The following TMIGD3 variants were observed in gnomAD, a reference collection of about 807,000 sequenced individuals.
The protein encoded by TMIGD3 is transmembrane and immunoglobulin domain containing 3, also known as AD026 protein (AD026).
In TMIGD3, 21 loss-of-function variants were observed where a neutral mutation model predicts 28.1. The ratio of observed to expected loss-of-function variants is 0.75; its 90% CI spans 0.53 to 1.08. The LOEUF is 1.08. Ranked by LOEUF, TMIGD3 falls within the 50% of genes least tolerant of loss-of-function variation. TMIGD3 has a pLI of 0.00. For synonymous variants in TMIGD3, 151 were observed against 162.1 expected (o/e 0.93, Z 0.52); for missense variants, 416 against 435.6 (o/e 0.96, Z 0.40).
chr1:111,554,724 A>C (rs944441999), intron 1 of TMIGD3, among the ~76,000 whole-genome samples: 11 of 152,350 alleles, frequency 7.2e-5, no homozygotes, highest in African/African-American at 2.2e-4. Context: ...ACTTCAAATA[A>C]GGTTACAGCC....
Position 111,488,818 on chromosome 1 carries a change from T to C in TMIGD3, c.664A>G (p.Met222Val). ...GTGTCCTCTTTGGTCAGGCAGGACA[T>C]AGTGACAATGAGCTGGTTCCCTGTG... The part of the protein sequence containing the change: ...RDTGNQLIVT[M>V]SCLTKEDTGW... Residue 222 changes from methionine (M) to valine (V), a missense_variant, in exon 3 of 6, where the codon ATG becomes GTG. Coordinates refer to ENST00000369716, the MANE Select transcript of TMIGD3 (RefSeq NM_020683.7). The C allele has an allele frequency of 6.2e-7, 1 of 1,614,164 alleles. No individual in the cohort carries two copies. The highest frequency in any genetic ancestry group is 8.5e-7 in the Non-Finnish European group (1 of 1,180,032).
intron 4 of TMIGD3, among the ~76,000 whole-genome samples, chr1:111,486,103 G>A (rs116499473): frequency 6.6e-6 from 1 of 152,240 alleles, no homozygotes; most frequent in Non-Finnish European, 1.5e-5. Flanking sequence ...TCCAGTCTCA[G>A]ACTGGCCAGT....
At position 111,485,726 on chromosome 1, in the gene TMIGD3, C is replaced by CAAAAAAAAAAA; in HGVS notation, c.973+13_973+14insTTTTTTTTTTT. ...AATTCTTGCCCACCCCCTCCCTCAA[C>CAAAAAAAAAAA]AATAGCTACTTACCCCTTCTATTCC... On this transcript the variant is annotated intron_variant, in intron 5 of 5. Coordinates refer to ENST00000369716, the MANE Select transcript of TMIGD3 (RefSeq NM_020683.7). The CAAAAAAAAAAA allele has an allele frequency of 1.2e-6, 1 of 850,660 alleles. No individual in the cohort carries two copies. The highest frequency in any genetic ancestry group is 1.9e-6 in the Non-Finnish European group (1 of 522,910). The allele number at this position is 850,660 out of a possible 1,614,324, so 52.7% of individuals were successfully genotyped here.
chr1:111,562,883 C>T (rs969345876), intron 1 of TMIGD3, among the ~76,000 whole-genome samples: 10 of 152,240 alleles, frequency 6.6e-5, no homozygotes, highest in African/African-American at 2.4e-4. Context: ...CAAGTAGATG[C>T]TTAGCCTTGT....
chr1:111,485,101 G>T (rs1209706705), intron 5 of TMIGD3, among the ~76,000 whole-genome samples: 1 of 152,216 alleles, frequency 6.6e-6, no homozygotes, highest in Admixed American at 6.5e-5. Flanking sequence ...TGAGGCAGGA[G>T]AATCGCTTGA....
At chr1:111,499,090 CA>C (rs59510125) in intron 1 of TMIGD3, among the ~76,000 whole-genome samples, 7 of 135,594 alleles carry the variant, frequency 5.2e-5, no homozygotes, top group Non-Finnish European at 4.7e-5. Flanking sequence ...GACCTTGTCT[CA>C]AAAAAAAAAA....
At chr1:111,496,743 G>A (rs1654902132) in intron 1 of TMIGD3, among the ~76,000 whole-genome samples, 1 of 152,150 alleles carries the variant, frequency 6.6e-6, no homozygotes, top group Non-Finnish European at 1.5e-5. Flanking sequence ...GTGTTTTTAT[G>A]CTACTATAAA....
chr1:111,551,953 C>A (rs2789534), intron 1 of TMIGD3, among the ~76,000 whole-genome samples: 149,719 of 152,304 alleles, frequency 0.98, 73,638 homozygotes, highest in Middle Eastern at 1. Context: ...CGGCATGCAC[C>A]TGGCCTTCTA....
intron 1 of TMIGD3, among the ~76,000 whole-genome samples, chr1:111,528,460 CT>C (rs1656342964): frequency 6.6e-6 from 1 of 152,150 alleles, no homozygotes; most frequent in Non-Finnish European, 1.5e-5. Context: ...AGTCCTCTGA[CT>C]TTGTTCTCCT....
chr1:111,506,838 G>C (rs1442140869), upstream of TMIGD3, among the ~76,000 whole-genome samples: 3 of 150,458 alleles, frequency 2.0e-5, no homozygotes, highest in Non-Finnish European at 4.4e-5. Flanking sequence ...GTGAGCTCTG[G>C]GCCAGAAAGG....
At chr1:111,506,676 T>A (rs1655499918), upstream of TMIGD3, among the ~76,000 whole-genome samples, 3 of 151,936 alleles carry the variant, frequency 2.0e-5, no homozygotes. Flanking sequence ...GAGATCAGTA[T>A]TCTCAGATCT....
chr1:111,530,024 C>T (rs888546424), intron 1 of TMIGD3, among the ~76,000 whole-genome samples: 9 of 133,134 alleles, frequency 6.8e-5, no homozygotes, highest in East Asian at 2.5e-4. Flanking sequence ...CCCTCCCGGA[C>T]GGGGCGGCTG....
rs546796196 is a variant in TMIGD3 at position 111,522,135 on chromosome 1, C to A, written c.108-31373G>T. 3.9e-3 allele frequency among the ~76,000 whole-genome samples: 588 copies of A among 152,230 alleles called. 4 individuals are homozygous for A. The highest frequency in any genetic ancestry group is 0.014 in the African/African-American group (564 of 41,544). The stretch of plus-strand genomic sequence containing the variant: ...TCAATCTATTTGTCTATCTTTATAC[C>A]AATACCACATCATCTTGATTGTTGT... On this transcript the variant is annotated intron_variant, in intron 1 of 5. Coordinates refer to the TMIGD3 transcript ENST00000369717.
chr1:111,512,656 T>TC (rs2100995748), intron 1 of TMIGD3, among the ~76,000 whole-genome samples: 1 of 152,318 alleles, frequency 6.6e-6, no homozygotes, highest in South Asian at 2.1e-4. Flanking sequence ...GGTTGATGTT[T>TC]CACTATCAGA....
At chr1:111,561,665 T>C (rs898391491) in intron 1 of TMIGD3, among the ~76,000 whole-genome samples, 1 of 152,206 alleles carries the variant, frequency 6.6e-6, no homozygotes, top group African/African-American at 2.4e-5. Flanking sequence ...TGCTCACTAC[T>C]ATAGAATTTT....
chr1:111,506,068 T>C (rs1052668006), upstream of TMIGD3, among the ~76,000 whole-genome samples: 3 of 151,826 alleles, frequency 2.0e-5, no homozygotes, highest in Non-Finnish European at 4.4e-5. Flanking sequence ...CAAATACTTT[T>C]CCTCCAAGAC....
At chr1:111,510,523 G>T (rs934383305) in intron 1 of TMIGD3, among the ~76,000 whole-genome samples, 1 of 152,082 alleles carries the variant, frequency 6.6e-6, no homozygotes, top group Non-Finnish European at 1.5e-5. Context: ...GCAGAGCTTT[G>T]TCCCATTCAT....
intron 1 of TMIGD3, among the ~76,000 whole-genome samples, chr1:111,560,670 G>T (rs1393251098): frequency 1.3e-5 from 2 of 151,748 alleles, no homozygotes; most frequent in African/African-American, 4.9e-5. Context: ...TTTTCCATTT[G>T]TTGGAGAGAC....
At chr1:111,552,443 G>A (rs1657305485) in intron 1 of TMIGD3, among the ~76,000 whole-genome samples, 1 of 152,198 alleles carries the variant, frequency 6.6e-6, no homozygotes, top group South Asian at 2.1e-4. Flanking sequence ...TAATTTCCAG[G>A]GTTCTGAAAA....
Sources: gnomAD v4.1 joint callset for allele counts (sites outside exome capture counted in the v4.1 genomes callset) on GRCh38, gnomAD v4.1.1 for gene constraint, MANE v1.5 for transcripts, NCBI Gene and HGNC (gene_info 2026-07-23, HGNC 2026-07-21) for gene names.